The following CENPQ variants were observed in gnomAD, a reference collection of about 807,000 sequenced individuals.
The protein encoded by CENPQ is chromosome 6 open reading frame 139.
CENPQ carries 27 observed loss-of-function variants against 36.6 expected under a neutral mutation model. That is an observed-to-expected ratio of 0.74 (90% CI 0.54 to 1.02). CENPQ has a LOEUF of 1.02. Ranked by LOEUF, CENPQ falls within the 50% of genes least tolerant of loss-of-function variation. CENPQ has a pLI of 0.00. For synonymous variants in CENPQ, 101 were observed against 101.7 expected (o/e 0.99, Z 0.04); for missense variants, 306 against 301.8 (o/e 1.01, Z -0.10).
chr6:49,488,151 T>C (rs140206925), intron 6 of CENPQ, among the ~76,000 whole-genome samples: 3 of 152,322 alleles, frequency 2.0e-5, no homozygotes, highest in African/African-American at 7.2e-5. Context: ...GATATCCTTA[T>C]AACACATTAA....
chr6:49,465,426 C>T (rs557705618), intron 1 of CENPQ, among the ~76,000 whole-genome samples: 1 of 152,322 alleles, frequency 6.6e-6, no homozygotes, highest in South Asian at 2.1e-4. Flanking sequence ...GAGAGTCAGC[C>T]TGTCTTTTGA....
intron 5 of CENPQ, among the ~76,000 whole-genome samples, chr6:49,473,740 C>G (rs1402215759): frequency 6.6e-6 from 1 of 152,050 alleles, no homozygotes; most frequent in Non-Finnish European, 1.5e-5. Context: ...TGGATAGAGT[C>G]AAAACCCATC....
intron 3 of CENPQ, among the ~76,000 whole-genome samples, chr6:49,471,320 C>A (rs1581844885): frequency 6.6e-6 from 1 of 152,252 alleles, no homozygotes; most frequent in Non-Finnish European, 1.5e-5. Flanking sequence ...GATATAAATA[C>A]AAATGTACTA....
chr6:49,482,223 G>C (rs1320228205), intron 6 of CENPQ, among the ~76,000 whole-genome samples: 1 of 152,318 alleles, frequency 6.6e-6, no homozygotes, highest in African/African-American at 2.4e-5. Context: ...CTCCCTGCAA[G>C]CTGAGGGAGC....
At chr6:49,471,410 CTAGTT>C (rs1415887691) in intron 3 of CENPQ, among the ~76,000 whole-genome samples, 1 of 152,118 alleles carries the variant, frequency 6.6e-6, no homozygotes, top group Non-Finnish European at 1.5e-5. Context: ...TTGGAGTAAA[CTAGTT>C]TAGAGTAGTT....
At position 49,476,401 on chromosome 6, in the gene CENPQ, A is replaced by G. The variant is rs530864320; in HGVS notation, c.347+3543A>G. Reference sequence around the variant, plus strand: ...AAAGCTGAAACTGGATCCCTTCCTTATACCTTATACAAAAATTAATTCAAG... The same window carrying G: ...AAAGCTGAAACTGGATCCCTTCCTTGTACCTTATACAAAAATTAATTCAAG... On this transcript the variant is annotated intron_variant, in intron 5 of 8. Transcript: ENST00000335783. Among the ~76,000 whole-genome samples, 41 of 152,322 alleles carry G rather than the reference A, an allele frequency of 2.7e-4. 1 individual carries two copies. Among genetic ancestry groups the G allele is most frequent in the Middle Eastern group, 6.8e-3 (2 of 294 alleles).
intron 5 of CENPQ, among the ~76,000 whole-genome samples, chr6:49,473,979 A>T (rs1007069257): frequency 6.6e-6 from 1 of 152,232 alleles, no homozygotes; most frequent in Non-Finnish European, 1.5e-5. Context: ...TATCCTAAAC[A>T]TATATGCACC....
At chr6:49,484,016 ACTAT>A (rs1000670463) in intron 6 of CENPQ, among the ~76,000 whole-genome samples, 13 of 152,260 alleles carry the variant, frequency 8.5e-5, no homozygotes, top group South Asian at 2.1e-4. Context: ...TTTTAACTGA[ACTAT>A]CTTAGTATTT....
intron 6 of CENPQ, among the ~76,000 whole-genome samples, chr6:49,482,423 G>A (rs1442600617): frequency 1.3e-5 from 2 of 152,180 alleles, no homozygotes; most frequent in East Asian, 3.9e-4. Context: ...ACTGCTGTTG[G>A]GAATTTGCCT....
intron 5 of CENPQ, among the ~76,000 whole-genome samples, chr6:49,474,511 T>C (rs1433873053): frequency 1.3e-5 from 2 of 151,934 alleles, no homozygotes; most frequent in Admixed American, 6.6e-5. Context: ...GCGACACATT[T>C]AAAGCAGTGT....
chr6:49,480,137 C>T (rs956394163), intron 5 of CENPQ, among the ~76,000 whole-genome samples: 2 of 151,966 alleles, frequency 1.3e-5, no homozygotes, highest in Admixed American at 1.3e-4. Flanking sequence ...AACCAGATCC[C>T]AAAAGTGGGA....
At chr6:49,469,576 T>C (rs774051323) in intron 1 of CENPQ, among the ~76,000 whole-genome samples, 1 of 152,216 alleles carries the variant, frequency 6.6e-6, no homozygotes, top group Non-Finnish European at 1.5e-5. Flanking sequence ...ATTCAGTACA[T>C]TTCTGTACTC....
chr6:49,483,660 TG>T (rs1379647977), intron 6 of CENPQ, among the ~76,000 whole-genome samples: 1 of 152,132 alleles, frequency 6.6e-6, no homozygotes, highest in African/African-American at 2.4e-5. Flanking sequence ...CTGGCTTGGG[TG>T]CTAAGCCCCT....
intron 5 of CENPQ, among the ~76,000 whole-genome samples, chr6:49,480,628 A>G (rs2127426323): frequency 6.6e-6 from 1 of 152,320 alleles, no homozygotes; most frequent in South Asian, 2.1e-4. Flanking sequence ...ATGTAGTGTA[A>G]TAGTCTAGAA....
chr6:49,485,848 A>G (rs892169604), intron 6 of CENPQ, among the ~76,000 whole-genome samples: 1 of 152,052 alleles, frequency 6.6e-6, no homozygotes, highest in African/African-American at 2.4e-5. Context: ...TGGTAGTAAT[A>G]CCCAAAGATA....
Position 49,492,343 on chromosome 6 carries a change from A to G in CENPQ, c.*68A>G. The G allele has an allele frequency of 7.4e-7, 1 of 1,360,366 alleles. No individual in the cohort carries two copies. The highest frequency in any genetic ancestry group is 1.0e-6 in the Non-Finnish European group (1 of 1,002,420). The allele number at this position is 1,360,366 out of a possible 1,614,324, so 84.3% of individuals were successfully genotyped here. A position where few individuals can be genotyped will look rare whatever the true frequency, so the allele number is the denominator to read the frequency against. On this transcript the variant is annotated 3_prime_UTR_variant, in exon 9 of 9. Coordinates refer to ENST00000335783, the MANE Select transcript of CENPQ (RefSeq NM_018132.4). The stretch of plus-strand genomic sequence containing the variant: ...CGTGAATTTGTAAAACTGTTAACCT[A>G]TGATTATATGTACAGAGGCTAAGGC...
At chr6:49,491,086 T>TA (rs1768710359) in intron 8 of CENPQ, among the ~76,000 whole-genome samples, 1 of 152,210 alleles carries the variant, frequency 6.6e-6, no homozygotes, top group Non-Finnish European at 1.5e-5. Flanking sequence ...CTTCAGTTTG[T>TA]AAAAAATGCA....
chr6:49,477,285 C>T (rs941062918), intron 5 of CENPQ, among the ~76,000 whole-genome samples: 4 of 152,104 alleles, frequency 2.6e-5, no homozygotes, highest in African/African-American at 9.6e-5. Context: ...ATGGATGAAG[C>T]TGGAAACCAT....
Position 49,471,028 on chromosome 6 carries a change from G to A in CENPQ, c.157G>A (p.Gly53Arg). The change falls in exon 3 of 9, where the codon GGA becomes AGA. Residue 53 changes from glycine to arginine, a missense_variant and splice_region_variant. Physicochemically the swap from Gly to Arg is moderately radical, Grantham distance 125. Transcript: ENST00000335783. Reference sequence around the variant, plus strand: ...TCATCTGAAAGATCTGTCTTCTGAAGGTATTTCTTTTCTATTACCTTGTTT... The same window carrying A: ...TCATCTGAAAGATCTGTCTTCTGAAAGTATTTCTTTTCTATTACCTTGTTT... ...KNHLKDLSSEGQTKHTNLKHG... is the reference protein window; with the variant it reads ...KNHLKDLSSERQTKHTNLKHG... 1 of 1,504,426 alleles carries A rather than the reference G, an allele frequency of 6.6e-7. No individual in the cohort carries two copies. Among genetic ancestry groups the A allele is most frequent in the Non-Finnish European group, 9.0e-7 (1 of 1,116,230 alleles). The allele number at this position is 1,504,426 out of a possible 1,614,324, so 93.2% of individuals were successfully genotyped here. A position where few individuals can be genotyped will look rare whatever the true frequency, so the allele number is the denominator to read the frequency against.
Sources: gnomAD v4.1 joint callset for allele counts (sites outside exome capture counted in the v4.1 genomes callset) on GRCh38, gnomAD v4.1.1 for gene constraint, MANE v1.5 for transcripts, NCBI Gene and HGNC (gene_info 2026-07-23, HGNC 2026-07-21) for gene names.